TFEC: variants seen among roughly 807,000 people sequenced by gnomAD.
The protein encoded by TFEC is transcription factor EC.
A neutral mutation model predicts 41.6 loss-of-function variants in TFEC; 31 were observed. The observed-to-expected ratio is 0.74, with a 90% CI of 0.56 to 1.01. The LOEUF (loss-of-function observed/expected upper bound fraction) is 1.01. TFEC is among the 50% of genes least tolerant of loss of function. The probability of loss-of-function intolerance (pLI) is 0.00; values close to 1 mark genes in which losing one functional copy is unlikely to be tolerated. For missense variants in TFEC, 402 were observed against 404.1 expected (o/e 0.99, Z 0.04); for synonymous variants, 143 against 140.6 (o/e 1.02, Z -0.12).
rs571756808 is a variant in TFEC, at chr7:116,114,647, G to A, written c.-68-2609C>T. Among the ~76,000 whole-genome samples, 10 of 151,978 alleles carry A rather than the reference G, an allele frequency of 6.6e-5. No individual in the cohort carries two copies. In the East Asian group the frequency reaches 7.8e-4, roughly 12 times the overall value. On this transcript the variant is annotated intron_variant, in intron 1 of 8. Coordinates refer to the TFEC transcript ENST00000484212. ...AAGATGAAGAGACGTAGGTCCCCAC[G>A]GCATGCGAATCTGAGGAAGAAGATC...
At chr7:116,131,642 C>G (rs1276843578) in intron 1 of TFEC, among the ~76,000 whole-genome samples, 1 of 152,052 alleles carries the variant, frequency 6.6e-6, no homozygotes, top group Non-Finnish European at 1.5e-5. Context: ...GCACTGTCCA[C>G]TGTCTATATT....
intron 3 of TFEC, among the ~76,000 whole-genome samples, chr7:115,969,788 T>C (rs1174181046): frequency 6.6e-6 from 1 of 151,902 alleles, no homozygotes; most frequent in African/African-American, 2.4e-5. Flanking sequence ...GGAGAGATGA[T>C]GGAACTTGTT....
chr7:116,050,882 G>A (rs183958123), intron 3 of TFEC, among the ~76,000 whole-genome samples: 1 of 152,136 alleles, frequency 6.6e-6, no homozygotes, highest in African/African-American at 2.4e-5. Context: ...CAATAGCAAA[G>A]ACTTGGAACC....
At chr7:116,038,651 G>T (rs1260576667) in intron 3 of TFEC, among the ~76,000 whole-genome samples, 1 of 151,978 alleles carries the variant, frequency 6.6e-6, no homozygotes, top group African/African-American at 2.4e-5. Context: ...TTCTTCCTTT[G>T]TAATGTTAGA....
At chr7:116,029,432 A>C (rs1044586952) in intron 1 of TFEC, among the ~76,000 whole-genome samples, 1 of 152,174 alleles carries the variant, frequency 6.6e-6, no homozygotes. Flanking sequence ...CTGATAATAA[A>C]CTGCGTACCA....
At chr7:115,972,095 T>C (rs1793159672) in intron 3 of TFEC, among the ~76,000 whole-genome samples, 1 of 152,066 alleles carries the variant, frequency 6.6e-6, no homozygotes, top group Non-Finnish European at 1.5e-5. Flanking sequence ...TTGTACATTC[T>C]CTTTTTTCTC....
rs73448941 is a variant in TFEC, at chr7:116,047,001, G to C, written c.199-62488C>G. 3.0e-3 allele frequency among the ~76,000 whole-genome samples: 454 copies of C among 152,262 alleles called. 3 individuals carry two copies. The highest frequency in any genetic ancestry group is 0.011 in the African/African-American group (438 of 41,544). ...ACTTAGAAAGCATTTACTTGTGTCA[G>C]TGACTCCAGTAAACACTGTTCAAAT... On this transcript the variant is annotated intron_variant, in intron 3 of 8. Transcript: ENST00000484212.
chr7:116,011,842 G>A (rs1228292050), intron 1 of TFEC, among the ~76,000 whole-genome samples: 1 of 152,050 alleles, frequency 6.6e-6, no homozygotes, highest in Non-Finnish European at 1.5e-5. Flanking sequence ...AAAAGAGCTT[G>A]GAAATTCCTC....
chr7:116,085,113 C>A (rs974332506), intron 3 of TFEC, among the ~76,000 whole-genome samples: 5 of 151,772 alleles, frequency 3.3e-5, no homozygotes, highest in African/African-American at 1.2e-4. Flanking sequence ...GAAGGAACAG[C>A]ATATGCAAAG....
chr7:116,053,918 CTAAG>C (rs2130965009), intron 3 of TFEC, among the ~76,000 whole-genome samples: 1 of 152,212 alleles, frequency 6.6e-6, no homozygotes, highest in South Asian at 2.1e-4. Flanking sequence ...AGGAGCCATT[CTAAG>C]TATCTTATAT....
At chr7:115,989,554 C>T (rs566779557) in intron 1 of TFEC, among the ~76,000 whole-genome samples, 66 of 152,212 alleles carry the variant, frequency 4.3e-4, no homozygotes, top group African/African-American at 1.4e-3. Context: ...CCTAATACTG[C>T]GCTTTTCCAG....
chr7:115,973,461 TTGTAAAC>T (rs1306059029), intron 3 of TFEC, among the ~76,000 whole-genome samples: 4 of 151,942 alleles, frequency 2.6e-5, no homozygotes, highest in African/African-American at 9.7e-5. Flanking sequence ...CTCTAAAAGA[TTGTAAAC>T]TGTAAACAAA....
chr7:115,971,977 T>C (rs973669270), intron 3 of TFEC, among the ~76,000 whole-genome samples: 2 of 152,088 alleles, frequency 1.3e-5, no homozygotes, highest in Non-Finnish European at 2.9e-5. Flanking sequence ...GTTCACTGGC[T>C]AATATACTTA....
chr7:116,113,592 T>C (rs1797905189), intron 1 of TFEC, among the ~76,000 whole-genome samples: 1 of 152,044 alleles, frequency 6.6e-6, no homozygotes, highest in African/African-American at 2.4e-5. Context: ...GTCAGTGATA[T>C]ATCTTTGCCA....
chr7:115,975,355 T>C (rs1268674367), intron 2 of TFEC, among the ~76,000 whole-genome samples: 98 of 152,094 alleles, frequency 6.4e-4, no homozygotes, highest in Non-Finnish European at 8.8e-5. Context: ...GTACTGTGAA[T>C]TTCCCATGAT....
At chr7:115,946,275 A>G (rs28545403) in intron 6 of TFEC, among the ~76,000 whole-genome samples, 3,514 of 150,964 alleles carry the variant, frequency 0.023, 136 homozygotes, top group African/African-American at 0.078. Flanking sequence ...ATGTCTTCAC[A>G]ATCTAGTATG....
chr7:115,938,708 A>T lies in TFEC; in HGVS notation c.*1843T>A, dbSNP rs1793346501. On this transcript the variant is annotated 3_prime_UTR_variant, in exon 8 of 8. Transcript: ENST00000265440. ...GAAGCAACTAAAAGATCCTTTCAAA[A>T]TTTATCCCAAAGCTTAATATTCATG... 6.6e-6 allele frequency: 1 copy of T among 151,934 alleles called. No individual in the cohort carries two copies. Among genetic ancestry groups the T allele is most frequent in the African/African-American group, 2.4e-5 (1 of 41,432 alleles). 9.4% of individuals were successfully genotyped at this position (151,934 alleles called of 1,614,324 possible). A position where few individuals can be genotyped will look rare whatever the true frequency, so the allele number is the denominator to read the frequency against.
chr7:116,066,045 A>G (rs761740079), intron 3 of TFEC, among the ~76,000 whole-genome samples: 9 of 152,210 alleles, frequency 5.9e-5, no homozygotes, highest in Non-Finnish European at 8.8e-5. Flanking sequence ...ATTTAAAGTA[A>G]GAATCACTGG....
At chr7:116,071,344 A>G (rs950076371) in intron 3 of TFEC, among the ~76,000 whole-genome samples, 1 of 150,192 alleles carries the variant, frequency 6.7e-6, no homozygotes, top group African/African-American at 2.5e-5. Flanking sequence ...CAGGCATACT[A>G]GAGTTAAAAA....
Sources: allele counts gnomAD v4.1 joint callset (sites outside exome capture counted in the v4.1 genomes callset), GRCh38; gene constraint gnomAD v4.1.1; transcripts MANE v1.5; gene names NCBI Gene and HGNC (gene_info 2026-07-23, HGNC 2026-07-21).